ROCK2: variants seen among roughly 807,000 people sequenced by gnomAD.
The protein encoded by ROCK2 is rho-associated protein kinase 2.
Under a neutral mutation model 195.1 loss-of-function variants are expected in ROCK2, and 61 were observed. The observed-to-expected ratio is 0.31, with a 90% CI of 0.25 to 0.39. The LOEUF (loss-of-function observed/expected upper bound fraction) is 0.39, where lower values mean the gene tolerates loss of function less well. Ranked by LOEUF, ROCK2 falls within the 10% of genes least tolerant of loss-of-function variation. The probability of loss-of-function intolerance (pLI) is 1.00; values close to 1 mark genes in which losing one functional copy is unlikely to be tolerated. For synonymous variants in ROCK2, 504 were observed against 545.5 expected, an observed-to-expected ratio of 0.92 and a Z score of 1.06; for missense variants, 1,109 against 1,637.4, an observed-to-expected ratio of 0.68 and a Z score of 5.57.
chr2:11,218,639 T>C (rs371791948), intron 10 of ROCK2, among the ~76,000 whole-genome samples, 173 bp from the exon 11 acceptor site: 31 of 152,368 alleles, frequency 2.0e-4, no homozygotes, highest in African/African-American at 7.2e-4. Flanking sequence ...TATCCATGTA[T>C]GATTTAGCTT....
At chr2:11,236,097 T>A in intron 4 of ROCK2, 135 bp from the exon 5 acceptor site, 1 of 815,158 alleles carries the variant, frequency 1.2e-6, no homozygotes. Flanking sequence ...ATTTATGAGA[T>A]CTTTTATTTT....
At chr2:11,327,683 C>T (rs2148258336) in intron 1 of ROCK2, among the ~76,000 whole-genome samples, 1 of 152,290 alleles carries the variant, frequency 6.6e-6, no homozygotes, top group Non-Finnish European at 1.5e-5. Context: ...CCACCTCAGA[C>T]TCTCAAGAAG....
At chr2:11,298,028 C>G (rs568985427) in intron 1 of ROCK2, among the ~76,000 whole-genome samples, 6 of 152,166 alleles carry the variant, frequency 3.9e-5, no homozygotes, top group African/African-American at 1.4e-4. Context: ...GTTTCTTGAC[C>G]TAGCTGCTGA....
Position 11,218,959 on chromosome 2 carries a change from TA to T in ROCK2, c.1320+6del. On this transcript the variant is annotated splice_donor_region_variant and intron_variant, in intron 10 of 32. Coordinates refer to ENST00000315872, the MANE Select transcript of ROCK2 (RefSeq NM_004850.5). ...AAATAACTACAGCAGTAAAAATGTA[TA>T]CGTACTTCATTTTTCCTTGATTGTA... is the stretch of plus-strand genomic sequence containing the variant. 1 of 1,413,458 alleles carries T rather than the reference TA, an allele frequency of 7.1e-7. No individual in the cohort carries two copies. Among genetic ancestry groups the T allele is most frequent in the Non-Finnish European group, 9.8e-7 (1 of 1,023,320 alleles). 87.6% of individuals were successfully genotyped at this position (1,413,458 alleles called of 1,614,324 possible). A position where few individuals can be genotyped will look rare whatever the true frequency, so the allele number is the denominator to read the frequency against.
chr2:11,283,668 G>C (rs1233696159), intron 3 of ROCK2, among the ~76,000 whole-genome samples: 1 of 151,980 alleles, frequency 6.6e-6, no homozygotes. Context: ...TATGTCATCA[G>C]GGAAATGTCA....
At chr2:11,299,547 GAA>G (rs879549214) in intron 1 of ROCK2, among the ~76,000 whole-genome samples, 1 of 145,732 alleles carries the variant, frequency 6.9e-6, no homozygotes, top group East Asian at 2.0e-4. Flanking sequence ...AGTTCCACTA[GAA>G]AAAAAAAAAT....
chr2:11,295,966 AAGAGAG>A (rs11413362), intron 1 of ROCK2, among the ~76,000 whole-genome samples: 10 of 77,754 alleles, frequency 1.3e-4, no homozygotes, highest in African/African-American at 3.9e-4. Context: ...CAAAAAACAA[AAGAGAG>A]AGAGAGAGAG....
At chr2:11,301,959 C>T (rs371723337) in intron 1 of ROCK2, among the ~76,000 whole-genome samples, 37 of 151,842 alleles carry the variant, frequency 2.4e-4, no homozygotes, top group East Asian at 7.9e-4. Flanking sequence ...GCACCCACCA[C>T]CACGCCCTGC....
intron 1 of ROCK2, among the ~76,000 whole-genome samples, chr2:11,323,259 C>T (rs1338365170): frequency 1.3e-5 from 2 of 152,290 alleles, no homozygotes; most frequent in African/African-American, 4.8e-5. Context: ...GACATTGATA[C>T]TTTTCCAGTT....
At chr2:11,214,247 T>C (rs1664346856) in intron 17 of ROCK2, 110 bp downstream of exon 17, 4 of 630,056 alleles carry the variant, frequency 6.3e-6, no homozygotes, top group Non-Finnish European at 1.1e-5. Flanking sequence ...AAGGAATCCA[T>C]GAGCATGTGG....
At chr2:11,341,816 C>A (rs1390315188) in intron 1 of ROCK2, among the ~76,000 whole-genome samples, 2 of 152,048 alleles carry the variant, frequency 1.3e-5, no homozygotes, top group Admixed American at 1.3e-4. Context: ...GCCATTATTT[C>A]GTCAGTATTT....
chr2:11,233,266 T>G (rs1665085738), intron 5 of ROCK2, among the ~76,000 whole-genome samples: 1 of 152,198 alleles, frequency 6.6e-6, no homozygotes, highest in South Asian at 2.1e-4. Context: ...TTTATTTTTT[T>G]CTTGGCAACC....
At chr2:11,345,391 C>G (rs1336426006), upstream of ROCK2, among the ~76,000 whole-genome samples, 1 of 152,230 alleles carries the variant, frequency 6.6e-6, no homozygotes, top group Non-Finnish European at 1.5e-5. Context: ...CGCCGCATTC[C>G]TGCCCTCTCG....
At chr2:11,291,348 G>C (rs564351628) in intron 1 of ROCK2, among the ~76,000 whole-genome samples, 1 of 152,178 alleles carries the variant, frequency 6.6e-6, no homozygotes, top group African/African-American at 2.4e-5. Flanking sequence ...CCACGAGTTC[G>C]AGACCATCCT....
At chr2:11,324,641 A>G (rs1044546856) in intron 1 of ROCK2, among the ~76,000 whole-genome samples, 16 of 152,220 alleles carry the variant, frequency 1.1e-4, no homozygotes, top group Non-Finnish European at 2.1e-4. Flanking sequence ...TGGAGGGAAA[A>G]CTTAAAATGC....
intron 20 of ROCK2, among the ~76,000 whole-genome samples, chr2:11,207,500 C>T (rs1223845511): frequency 6.6e-6 from 1 of 152,228 alleles, no homozygotes; most frequent in Non-Finnish European, 1.5e-5. Flanking sequence ...ATCACCAACA[C>T]TTCCTCTATC....
chr2:11,254,786 G>A (rs75522981), intron 3 of ROCK2, among the ~76,000 whole-genome samples: 3,465 of 141,368 alleles, frequency 0.025, 166 homozygotes, highest in African/African-American at 0.087. Context: ...TTTCTTGGTC[G>A]TTCAGCTGAC....
intron 5 of ROCK2, among the ~76,000 whole-genome samples, chr2:11,229,746 A>G (rs907307740): frequency 6.6e-6 from 1 of 152,194 alleles, no homozygotes; most frequent in Non-Finnish European, 1.5e-5. Context: ...CAATACTGTA[A>G]GACTAATTAA....
At chr2:11,292,645 T>C (rs1667397675) in intron 1 of ROCK2, among the ~76,000 whole-genome samples, 1 of 152,194 alleles carries the variant, frequency 6.6e-6, no homozygotes, top group African/African-American at 2.4e-5. Context: ...ATAGGAAGCA[T>C]ATTTCTGTGT....
Sources: gnomAD v4.1 joint callset for allele counts (sites outside exome capture counted in the v4.1 genomes callset) on GRCh38, gnomAD v4.1.1 for gene constraint, MANE v1.5 for transcripts, NCBI Gene and HGNC (gene_info 2026-07-23, HGNC 2026-07-21) for gene names.